NSF: variants seen among roughly 807,000 people sequenced by gnomAD.
NSF encodes vesicle-fusing ATPase.
In NSF, 14 loss-of-function variants were observed where a neutral mutation model predicts 50.3. The ratio of observed to expected loss-of-function variants is 0.28; its 90% confidence interval spans 0.18 to 0.44. The LOEUF is 0.44. Ranked by LOEUF, NSF falls within the 20% of genes least tolerant of loss-of-function variation. The probability of loss-of-function intolerance (pLI) is 1.00; values close to 1 mark genes in which losing one functional copy is unlikely to be tolerated. For missense variants in NSF, 218 were observed against 504.3 expected (o/e 0.43, Z 5.44); for synonymous variants, 109 against 175.7 (o/e 0.62, Z 3.00).
intron 19 of NSF, among the ~76,000 whole-genome samples, chr17:46,753,561 A>G (rs192343759): frequency 6.6e-6 from 1 of 152,320 alleles, no homozygotes; most frequent in East Asian, 1.9e-4. Flanking sequence ...TGAAAAAAAG[A>G]TAAATCTGTC....
chr17:46,681,521 G>A (rs2058457744), intron 9 of NSF, among the ~76,000 whole-genome samples: 1 of 149,856 alleles, frequency 6.7e-6, no homozygotes, highest in Non-Finnish European at 1.5e-5. Context: ...GATTTACATA[G>A]ATCGACATGA....
At chr17:46,697,293 C>T (rs1485808284) in intron 12 of NSF, among the ~76,000 whole-genome samples, 1 of 134,690 alleles carries the variant, frequency 7.4e-6, no homozygotes, top group Non-Finnish European at 1.6e-5. Context: ...TCACTGCAAC[C>T]TCTGCCTCCT....
chr17:46,676,277 G>T (rs374952396), intron 9 of NSF, among the ~76,000 whole-genome samples: 88,987 of 137,216 alleles, frequency 0.65, 30,457 homozygotes, highest in South Asian at 0.81. Context: ...TTGTTGCCCA[G>T]GCTGGAGTGC....
chr17:46,751,783 C>CTT (rs2059184115), intron 19 of NSF, among the ~76,000 whole-genome samples, 167 bp downstream of exon 19: 1 of 152,208 alleles, frequency 6.6e-6, no homozygotes, highest in African/African-American at 2.4e-5. Flanking sequence ...AGATTGATCA[C>CTT]TTAACAATAC....
At chr17:46,721,092 C>A (rs1473043240) in intron 15 of NSF, among the ~76,000 whole-genome samples, 2 of 152,192 alleles carry the variant, frequency 1.3e-5, no homozygotes, top group African/African-American at 2.4e-5. Flanking sequence ...GCCCCTAATC[C>A]CTGCGTGGCA....
chr17:46,727,554 C>T (rs2058902666), intron 16 of NSF, among the ~76,000 whole-genome samples: 1 of 152,024 alleles, frequency 6.6e-6, no homozygotes, highest in Non-Finnish European at 1.5e-5. Context: ...GCTTTTGGTC[C>T]TCTGTTATTT....
rs2059243230 is a variant in NSF at position 46,757,272 on chromosome 17, T to C, written c.*1449T>C. On this transcript the variant is annotated 3_prime_UTR_variant, in exon 21 of 21. Coordinates refer to ENST00000398238, the MANE Select transcript of NSF (RefSeq NM_006178.4). ...TGGATTGTATTGTGAGATCCTGTGA[T>C]TCCTGGTGGCCAGTATCCTGGATTC... The C allele has an allele frequency of 6.6e-6, 1 of 152,538 alleles. No individual in the cohort carries two copies. The highest frequency in any genetic ancestry group is 2.4e-5 in the African/African-American group (1 of 41,456). The allele number at this position is 152,538 out of a possible 1,614,324, so 9.4% of individuals were successfully genotyped here.
At chr17:46,749,103 T>C (rs2059158460) in intron 17 of NSF, among the ~76,000 whole-genome samples, 1 of 152,076 alleles carries the variant, frequency 6.6e-6, no homozygotes, top group East Asian at 1.9e-4. Context: ...AAACCAGTAA[T>C]GTAACATTAT....
At chr17:46,716,994 G>T (rs528872529) in intron 15 of NSF, among the ~76,000 whole-genome samples, 3 of 151,882 alleles carry the variant, frequency 2.0e-5, no homozygotes, top group Non-Finnish European at 4.4e-5. Context: ...TTGTTTCCAG[G>T]TTTTTTTCAC....
chr17:46,711,100 G>T lies in NSF; in HGVS notation c.1608G>T (p.Leu536Phe). 6.6e-7 allele frequency: 1 copy of T among 1,526,348 alleles called. No individual in the cohort carries two copies. The highest frequency in any genetic ancestry group is 8.7e-7 in the Non-Finnish European group (1 of 1,144,894). The allele number at this position is 1,526,348 out of a possible 1,614,324, so 94.6% of individuals were successfully genotyped here. ...QQTKNSDRTP[L>F]VSVLLEGPPH... ...CTAAGAACAGTGACCGCACACCATTGGTCAGCGTGCTTCTGGAAGGTGAGA... is the reference window on the plus strand; with the variant it reads ...CTAAGAACAGTGACCGCACACCATTTGTCAGCGTGCTTCTGGAAGGTGAGA... The change falls in exon 14 of 21, where the codon TTG becomes TTT. Residue 536 changes from leucine (L) to phenylalanine (F), a missense_variant. Leu to Phe is a conservative substitution (Grantham distance 22). Around this residue, in one of 2 missense-constraint regions of NSF, gnomAD observed 209 missense variants for 320.9 expected, o/e 0.65. Transcript: ENST00000398238.
At chr17:46,619,793 A>C (rs1355621645) in intron 1 of NSF, among the ~76,000 whole-genome samples, 1 of 86,938 alleles carries the variant, frequency 1.2e-5, no homozygotes, top group African/African-American at 4.8e-5. Flanking sequence ...AAAAAAAAAA[A>C]AAACCCAGAA....
intron 9 of NSF, among the ~76,000 whole-genome samples, chr17:46,691,776 G>A (rs556499319): frequency 1.1e-4 from 17 of 151,152 alleles, no homozygotes; most frequent in Non-Finnish European, 2.1e-4. Context: ...TTTTTGAGAC[G>A]GAGTCTCACT....
intron 17 of NSF, among the ~76,000 whole-genome samples, chr17:46,747,836 G>A (rs2059146390): frequency 6.6e-6 from 1 of 152,126 alleles, no homozygotes; most frequent in African/African-American, 2.4e-5. Flanking sequence ...AAATGAATGG[G>A]AGGAAATCTC....
intron 1 of NSF, chr17:46,602,594 C>T (rs2057923998): frequency 1.9e-5 from 1 of 51,794 alleles, no homozygotes; most frequent in Admixed American, 2.4e-4. Context: ...ACTTTAAGGG[C>T]TGCATTGGTG....
chr17:46,736,716 C>T (rs2059009247), intron 17 of NSF, among the ~76,000 whole-genome samples: 3 of 152,338 alleles, frequency 2.0e-5, no homozygotes, highest in East Asian at 3.9e-4. Context: ...CTGCTAACCA[C>T]TAGGGTTAAA....
chr17:46,710,690 TTCTC>T (rs1379082943), intron 13 of NSF, among the ~76,000 whole-genome samples: 2 of 152,216 alleles, frequency 1.3e-5, no homozygotes, highest in Non-Finnish European at 2.9e-5. Context: ...AACATATTCT[TTCTC>T]TCAGGAATTA....
chr17:46,732,196 A>G (rs945831809), intron 17 of NSF, among the ~76,000 whole-genome samples: 1 of 152,236 alleles, frequency 6.6e-6, no homozygotes, highest in South Asian at 2.1e-4. Flanking sequence ...CAGTAATCAT[A>G]TCAGTCACAG....
chr17:46,754,575 G>A (rs1365912731), intron 19 of NSF, among the ~76,000 whole-genome samples: 1 of 152,178 alleles, frequency 6.6e-6, no homozygotes, highest in Non-Finnish European at 1.5e-5. Context: ...CATATCTCCT[G>A]TGGGCCTACG....
At chr17:46,745,278 C>A (rs1235403854) in intron 17 of NSF, among the ~76,000 whole-genome samples, 1 of 152,178 alleles carries the variant, frequency 6.6e-6, no homozygotes, top group African/African-American at 2.4e-5. Flanking sequence ...TGAGCACTAC[C>A]ACTAATTAAT....
Sources: allele counts gnomAD v4.1 joint callset (sites outside exome capture counted in the v4.1 genomes callset), GRCh38; gene constraint gnomAD v4.1.1; regional missense constraint gnomAD v4.1.1; transcripts MANE v1.5; gene names NCBI Gene and HGNC (gene_info 2026-07-23, HGNC 2026-07-21).